The following CCDC102B variants were observed in gnomAD, a reference collection of about 807,000 sequenced individuals.
CCDC102B encodes coiled-coil domain-containing protein 102B.
In CCDC102B, 75 loss-of-function variants were observed where a neutral mutation model predicts 57.4. The observed-to-expected ratio is 1.31, with a 90% confidence interval of 1.08 to 1.58. The LOEUF (loss-of-function observed/expected upper bound fraction) is 1.58. Ranked by LOEUF, CCDC102B falls within the 40% of genes most tolerant of loss-of-function variation. The probability of loss-of-function intolerance (pLI) is 0.00; values close to 1 mark genes in which losing one functional copy is unlikely to be tolerated. For synonymous variants in CCDC102B, 206 were observed against 201.9 expected, an observed-to-expected ratio of 1.02 and a Z score of -0.17; for missense variants, 636 against 582.6, an observed-to-expected ratio of 1.09 and a Z score of -0.94.
intron 2 of CCDC102B, 149 bp from the exon 3 acceptor site, chr18:68,838,557 G>A (rs2037486755): frequency 1.5e-5 from 22 of 1,428,548 alleles, no homozygotes; most frequent in Admixed American, 6.0e-5. Flanking sequence ...GCAAGTAAGT[G>A]TGGCCACACA....
chr18:68,808,552 A>G (rs991131729), intron 1 of CCDC102B, among the ~76,000 whole-genome samples: 2 of 133,328 alleles, frequency 1.5e-5, no homozygotes, highest in Non-Finnish European at 3.0e-5. Flanking sequence ...ATCTCCGCTC[A>G]CTGCAAGCTC....
At chr18:69,008,647 C>T (rs748094501) in intron 6 of CCDC102B, among the ~76,000 whole-genome samples, 77 of 152,198 alleles carry the variant, frequency 5.1e-4, no homozygotes, top group Non-Finnish European at 9.0e-4. Flanking sequence ...ATTCAAACTC[C>T]CTGCTTCCTA....
chr18:68,956,445 A>AT (rs2049874106), intron 6 of CCDC102B, among the ~76,000 whole-genome samples: 1 of 27,798 alleles, frequency 3.6e-5, no homozygotes, highest in Admixed American at 7.6e-4. Context: ...TATATATATT[A>AT]TATATATTAT....
chr18:69,000,857 T>C (rs1389580915), intron 6 of CCDC102B, among the ~76,000 whole-genome samples: 1 of 152,218 alleles, frequency 6.6e-6, no homozygotes, highest in African/African-American at 2.4e-5. Flanking sequence ...TATATATAAA[T>C]AGAATTGCTA....
At chr18:68,763,784 G>GACAAATATTC (rs1599425588) in intron 2 of CCDC102B, among the ~76,000 whole-genome samples, 1 of 148,048 alleles carries the variant, frequency 6.8e-6, no homozygotes, top group African/African-American at 2.5e-5. Context: ...CCTCAATACA[G>GACAAATATTC]CAGTAGAACC....
chr18:69,025,675 G>A (rs577536097), intron 7 of CCDC102B, among the ~76,000 whole-genome samples: 27 of 152,232 alleles, frequency 1.8e-4, no homozygotes, highest in South Asian at 1.0e-3. Flanking sequence ...AATAGCTCCG[G>A]AAAGGGAAAA....
At chr18:68,914,045 T>C (rs1488282007) in intron 6 of CCDC102B, among the ~76,000 whole-genome samples, 2 of 152,238 alleles carry the variant, frequency 1.3e-5, no homozygotes, top group Non-Finnish European at 2.9e-5. Flanking sequence ...ATGTGCACTA[T>C]ATTCGGAAAA....
intron 6 of CCDC102B, among the ~76,000 whole-genome samples, chr18:68,991,418 G>A (rs2050865008): frequency 6.6e-6 from 1 of 152,190 alleles, no homozygotes; most frequent in African/African-American, 2.4e-5. Context: ...ACTAAGTGTG[G>A]GTAGAGAGAA....
At chr18:68,836,721 T>G in intron 1 of CCDC102B, 28 bp from the exon 2 acceptor site, 1 of 1,526,614 alleles carries the variant, frequency 6.6e-7, no homozygotes, top group South Asian at 1.2e-5. Flanking sequence ...AATTTCAGCG[T>G]GAAATTATGG....
intron 2 of CCDC102B, among the ~76,000 whole-genome samples, chr18:68,790,463 T>C (rs1301699597): frequency 6.6e-6 from 1 of 151,936 alleles, no homozygotes; most frequent in Non-Finnish European, 1.5e-5. Context: ...CTCAGACTGC[T>C]GTGCTAGCAA....
intron 2 of CCDC102B, chr18:68,754,981 A>G (rs1480594325): frequency 2.6e-5 from 4 of 152,472 alleles, no homozygotes; most frequent in Admixed American, 6.5e-5. Context: ...ACTGTGAGAA[A>G]TAAACTTTTG....
intron 2 of CCDC102B, 46 bp from the exon 3 acceptor site, chr18:68,838,660 T>C (rs1406406632): frequency 1.9e-6 from 3 of 1,582,452 alleles, no homozygotes; most frequent in East Asian, 2.3e-5. Context: ...TCATCATGAT[T>C]TTTCTCCAGG....
At chr18:68,954,637 T>A (rs912184504) in intron 6 of CCDC102B, among the ~76,000 whole-genome samples, 1 of 152,218 alleles carries the variant, frequency 6.6e-6, no homozygotes, top group Non-Finnish European at 1.5e-5. Flanking sequence ...GAAGAAATCT[T>A]ACTTTCCTTT....
In CCDC102B at chr18:68,850,032, T is replaced by G. The variant is rs28585970; in HGVS notation, c.936+3611T>G. Among the ~76,000 whole-genome samples, 38 of 152,180 alleles carry G rather than the reference T, an allele frequency of 2.5e-4. 1 individual carries two copies. In the East Asian group the frequency reaches 6.2e-3, roughly 25 times the overall value. ...GAGTAGCGTACATTATTTCCACTTA[T>G]AATTCACAGATGAGTACTCATTTGT... On this transcript the variant is annotated intron_variant, in intron 4 of 7. Transcript: ENST00000360242.
intron 4 of CCDC102B, among the ~76,000 whole-genome samples, chr18:68,871,520 T>C (rs1241877688): frequency 6.6e-6 from 1 of 152,208 alleles, no homozygotes; most frequent in Admixed American, 6.5e-5. Flanking sequence ...ATGTTCAAAG[T>C]AATTCTGTTT....
At chr18:68,756,545 C>T (rs1012505936) in intron 2 of CCDC102B, among the ~76,000 whole-genome samples, 2 of 152,246 alleles carry the variant, frequency 1.3e-5, no homozygotes, top group South Asian at 4.1e-4. Flanking sequence ...AGGTCTGACA[C>T]GTATAGTAGA....
intron 1 of CCDC102B, among the ~76,000 whole-genome samples, chr18:68,829,607 C>T (rs2037060636): frequency 6.6e-6 from 1 of 151,974 alleles, no homozygotes; most frequent in South Asian, 2.1e-4. Flanking sequence ...CAGTTGGCAG[C>T]TTTGCACATC....
intron 2 of CCDC102B, among the ~76,000 whole-genome samples, chr18:68,733,502 ATATATT>A (rs1409863496): frequency 0.023 from 1,923 of 84,754 alleles, 70 homozygotes; most frequent in East Asian, 0.079. Flanking sequence ...ATATATATAT[ATATATT>A]TTTTTAACTT....
chr18:69,014,191 A>G (rs776853683), intron 7 of CCDC102B, among the ~76,000 whole-genome samples: 4 of 152,218 alleles, frequency 2.6e-5, no homozygotes, highest in Non-Finnish European at 5.9e-5. Flanking sequence ...TATATTGGTA[A>G]GTGAGCTTCT....
Sources: allele counts gnomAD v4.1 joint callset (sites outside exome capture counted in the v4.1 genomes callset), GRCh38; gene constraint gnomAD v4.1.1; transcripts MANE v1.5; gene names NCBI Gene and HGNC (gene_info 2026-07-23, HGNC 2026-07-21).